CADM2: variants seen among roughly 807,000 people sequenced by gnomAD.
The protein encoded by CADM2 is cell adhesion molecule 2.
CADM2 carries 12 observed loss-of-function variants against 49.8 expected under a neutral mutation model. The ratio of observed to expected loss-of-function variants is 0.24; its 90% confidence interval spans 0.15 to 0.39. The LOEUF is 0.39. Ranked by LOEUF, CADM2 falls within the 10% of genes least tolerant of loss-of-function variation. CADM2 has a pLI of 1.00. For synonymous variants in CADM2, 214 were observed against 175.4 expected (o/e 1.22, Z -1.74); for missense variants, 378 against 492.3 (o/e 0.77, Z 2.20).
At chr3:85,460,257 A>G (rs1008910313) in intron 1 of CADM2, among the ~76,000 whole-genome samples, 6 of 148,146 alleles carry the variant, frequency 4.1e-5, no homozygotes, top group Non-Finnish European at 7.4e-5. Flanking sequence ...ATTTCTGAAT[A>G]TGATGAAATA....
intron 1 of CADM2, among the ~76,000 whole-genome samples, chr3:85,278,015 C>T (rs2043401323): frequency 6.6e-6 from 1 of 150,952 alleles, no homozygotes; most frequent in Admixed American, 6.6e-5. Flanking sequence ...GAGTTTCTCC[C>T]CTTTTTTTTT....
intron 3 of CADM2, among the ~76,000 whole-genome samples, chr3:85,835,646 A>C (rs1012798799): frequency 1.3e-4 from 20 of 150,350 alleles, no homozygotes; most frequent in Non-Finnish European, 2.4e-4. Flanking sequence ...AGAAACATGC[A>C]CTTTAATTCC....
chr3:86,019,776 G>A (rs942362649), intron 8 of CADM2, among the ~76,000 whole-genome samples: 2 of 152,034 alleles, frequency 1.3e-5, no homozygotes, highest in Non-Finnish European at 1.5e-5. Flanking sequence ...AGGAGATTTT[G>A]GGCTGAGACA....
intron 1 of CADM2, among the ~76,000 whole-genome samples, chr3:85,578,085 TA>T (rs1216891838): frequency 1.3e-5 from 2 of 151,888 alleles, no homozygotes; most frequent in African/African-American, 4.8e-5. Flanking sequence ...TATTTATTTT[TA>T]TTTTTTGAGG....
chr3:85,254,301 A>G (rs1434686684), intron 1 of CADM2, among the ~76,000 whole-genome samples: 1 of 151,944 alleles, frequency 6.6e-6, no homozygotes, highest in African/African-American at 2.4e-5. Context: ...CCCTAAAGGC[A>G]CCTCCATGGG....
chr3:85,673,730 C>T (rs1478519574), intron 1 of CADM2, among the ~76,000 whole-genome samples: 1 of 151,984 alleles, frequency 6.6e-6, no homozygotes, highest in Non-Finnish European at 1.5e-5. Flanking sequence ...TCTCCAGGCT[C>T]GTTTAAACCC....
chr3:85,909,357 T>C (rs1717249171), intron 5 of CADM2, among the ~76,000 whole-genome samples: 2 of 150,950 alleles, frequency 1.3e-5, no homozygotes, highest in Admixed American at 1.3e-4. Context: ...ATTAACACAT[T>C]ATGTAATATA....
chr3:85,501,475 C>A (rs556027260), intron 1 of CADM2, among the ~76,000 whole-genome samples: 2 of 152,052 alleles, frequency 1.3e-5, no homozygotes, highest in Non-Finnish European at 2.9e-5. Context: ...ATCAACACAG[C>A]AGGTACTCAA....
intron 1 of CADM2, among the ~76,000 whole-genome samples, chr3:85,334,643 A>G (rs1219111226): frequency 6.6e-6 from 1 of 151,576 alleles, no homozygotes; most frequent in Non-Finnish European, 1.5e-5. Flanking sequence ...AAATTTTGTG[A>G]TCTGTTAAAG....
intron 1 of CADM2, among the ~76,000 whole-genome samples, chr3:85,374,455 G>T (rs2033467168): frequency 1.3e-5 from 2 of 152,072 alleles, no homozygotes; most frequent in Admixed American, 1.3e-4. Flanking sequence ...CCCTTGTCTA[G>T]CTGTTTTCTT....
intron 1 of CADM2, among the ~76,000 whole-genome samples, chr3:85,699,124 C>A (rs533475396): frequency 6.6e-6 from 1 of 152,188 alleles, no homozygotes; most frequent in African/African-American, 2.4e-5. Context: ...AAAATAATCT[C>A]CTTTGACTCC....
intron 1 of CADM2, among the ~76,000 whole-genome samples, chr3:85,652,155 G>T (rs558878248): frequency 1.3e-5 from 2 of 151,760 alleles, no homozygotes; most frequent in South Asian, 2.1e-4. Context: ...TGTCAGTCTC[G>T]TTTACCCAAT....
At chr3:85,970,882 T>A (rs1167944216) in intron 8 of CADM2, among the ~76,000 whole-genome samples, 3 of 151,478 alleles carry the variant, frequency 2.0e-5, no homozygotes, top group Admixed American at 6.6e-5. Context: ...AGTTACATGG[T>A]GATAAATCTA....
At chr3:85,286,142 C>CT (rs2043626820) in intron 1 of CADM2, among the ~76,000 whole-genome samples, 1 of 152,106 alleles carries the variant, frequency 6.6e-6, no homozygotes, top group South Asian at 2.1e-4. Context: ...GCTGAATCTT[C>CT]TCGCCCCTTT....
intron 1 of CADM2, among the ~76,000 whole-genome samples, chr3:85,097,679 G>A (rs2037852023): frequency 6.6e-6 from 1 of 152,142 alleles, no homozygotes; most frequent in Admixed American, 6.5e-5. Flanking sequence ...TGGACATACA[G>A]CTGTAATTGG....
intron 1 of CADM2, among the ~76,000 whole-genome samples, chr3:85,544,305 G>A (rs1326069030): frequency 6.6e-6 from 1 of 152,170 alleles, no homozygotes; most frequent in Non-Finnish European, 1.5e-5. Context: ...GAGGCCGGGC[G>A]CGGTTGCTCA....
Position 85,722,445 on chromosome 3 carries a change from A to G in CADM2, c.62-4077A>G, listed in dbSNP as rs113397037. Among the ~76,000 whole-genome samples, 1,410 of 152,350 alleles carry G rather than the reference A, an allele frequency of 9.3e-3. 29 individuals carry two copies. The highest frequency in any genetic ancestry group is 0.033 in the African/African-American group (1,358 of 41,576). ...TATAAATTTTTGCTTAGGAGGAAGG[A>G]TAACAGACACAAGGCCCAAATCAAA... On this transcript the variant is annotated intron_variant, in intron 1 of 9. Transcript: ENST00000383699.
chr3:86,013,379 T>G, intron 8 of CADM2: 1 of 1,539,346 alleles, frequency 6.5e-7, no homozygotes, highest in Non-Finnish European at 8.9e-7. Context: ...GAAAGCAAAA[T>G]ATACCTCTGG....
chr3:85,616,037 T>G (rs1165585748), intron 1 of CADM2, among the ~76,000 whole-genome samples: 1 of 151,944 alleles, frequency 6.6e-6, no homozygotes, highest in Non-Finnish European at 1.5e-5. Flanking sequence ...TAGTAAGAGC[T>G]GATGAGCAGA....
Sources: gnomAD v4.1 joint callset for allele counts (sites outside exome capture counted in the v4.1 genomes callset) on GRCh38, gnomAD v4.1.1 for gene constraint, MANE v1.5 for transcripts, NCBI Gene and HGNC (gene_info 2026-07-23, HGNC 2026-07-21) for gene names.